The following AKAP10 variants were observed in gnomAD, a reference collection of about 807,000 sequenced individuals.
AKAP10 encodes A-kinase anchoring protein 10, also known as A-kinase anchor protein 10, mitochondrial.
Under a neutral mutation model 80.8 loss-of-function variants are expected in AKAP10, and 24 were observed. That is an observed-to-expected ratio of 0.30 (90% CI 0.22 to 0.42). AKAP10 has a LOEUF of 0.42. AKAP10 is among the 10% of genes least tolerant of loss of function. The probability of loss-of-function intolerance (pLI) is 1.00; values close to 1 mark genes in which losing one functional copy is unlikely to be tolerated. For synonymous variants in AKAP10, 291 were observed against 277.7 expected (o/e 1.05, Z -0.48); for missense variants, 661 against 794.9 (o/e 0.83, Z 2.03).
At chr17:19,951,136 G>T (rs2043202013) in intron 4 of AKAP10, among the ~76,000 whole-genome samples, 2 of 148,342 alleles carry the variant, frequency 1.3e-5, no homozygotes, top group Non-Finnish European at 3.0e-5. Flanking sequence ...CGGGAGGGAG[G>T]TGGGGGGCAG....
rs190960635 is a variant in AKAP10, at chr17:19,933,223, T to C, written c.1468-1245A>G. 1.5e-3 allele frequency among the ~76,000 whole-genome samples: 225 copies of C among 152,262 alleles called. 3 individuals carry two copies. In the East Asian group the frequency reaches 0.038, roughly 26 times the overall value. On this transcript the variant is annotated intron_variant, in intron 9 of 14. Coordinates refer to ENST00000225737, the MANE Select transcript of AKAP10 (RefSeq NM_007202.4). ...TAGTAGAGACGGGGTTTCGCCATGT[T>C]GGCCAAGCTGGTCTTGAACTCCTGA...
chr17:19,916,258 T>C (rs576898744), intron 12 of AKAP10, among the ~76,000 whole-genome samples: 1 of 152,212 alleles, frequency 6.6e-6, no homozygotes, highest in African/African-American at 2.4e-5. Flanking sequence ...CTGCTTTTCA[T>C]GTAACACATG....
chr17:19,972,557 G>A (rs1405417648), intron 1 of AKAP10, among the ~76,000 whole-genome samples: 3 of 152,124 alleles, frequency 2.0e-5, no homozygotes, highest in African/African-American at 4.8e-5. Context: ...CCGGGTTCAG[G>A]CCATTCTCCT....
chr17:19,907,370 C>G (rs1034227445), intron 14 of AKAP10, among the ~76,000 whole-genome samples: 18 of 150,328 alleles, frequency 1.2e-4, no homozygotes, highest in Admixed American at 1.2e-3. Context: ...TCTTTTAAAA[C>G]TATTTTGCAT....
In AKAP10 at chr17:19,970,047, C is replaced by A. The variant is rs576879716; in HGVS notation, c.89-1586G>T. Among the ~76,000 whole-genome samples the A allele has an allele frequency of 3.4e-4, 52 of 152,300 alleles. 1 individual carries two copies. The South Asian group carries it at 8.9e-3, about 26-fold the overall frequency. On this transcript the variant is annotated intron_variant, in intron 1 of 14. Transcript: ENST00000225737. ...TTACAATACCATAGATACGCTGTTA[C>A]TCCTAAATTTATATCTCCATCCTAA...
At chr17:19,947,345 AATTGTCAGTTCTGTGC>A (rs2043145926) in intron 5 of AKAP10, 46 bp downstream of exon 5, 2 of 1,281,014 alleles carry the variant, frequency 1.6e-6, no homozygotes, top group South Asian at 2.5e-5. Flanking sequence ...CAATAACGAA[AATTGTCAGTTCTGTGC>A]ATTTTTTGTC....
intron 4 of AKAP10, among the ~76,000 whole-genome samples, chr17:19,954,451 G>T (rs2043249839): frequency 6.7e-6 from 1 of 149,956 alleles, no homozygotes; most frequent in African/African-American, 2.4e-5. Flanking sequence ...ACTCAAAAAA[G>T]ATATATATCT....
At chr17:19,960,901 C>T (rs2043340767) in intron 3 of AKAP10, among the ~76,000 whole-genome samples, 1 of 152,090 alleles carries the variant, frequency 6.6e-6, no homozygotes, top group Non-Finnish European at 1.5e-5. Context: ...TGGCAGGCAC[C>T]TGTCATCCCA....
chr17:19,947,339 A>G, intron 5 of AKAP10, 68 bp downstream of exon 5: 2 of 1,217,042 alleles, frequency 1.6e-6, no homozygotes, highest in Non-Finnish European at 1.2e-6. Context: ...CTTAGTCAAT[A>G]ACGAAAATTG....
chr17:19,932,132 C>T (rs2042940630), intron 9 of AKAP10, among the ~76,000 whole-genome samples, 154 bp from the exon 10 acceptor site: 1 of 151,998 alleles, frequency 6.6e-6, no homozygotes, highest in African/African-American at 2.4e-5. Context: ...AGTATTATCC[C>T]TTTGTACAGT....
rs1457291425 is a variant in AKAP10 at position 19,904,898 on chromosome 17, T to G, written c.*1329A>C. 1 of 151,990 alleles carries G rather than the reference T, an allele frequency of 6.6e-6. No individual in the cohort carries two copies. Among genetic ancestry groups the G allele is most frequent in the Non-Finnish European group, 1.5e-5 (1 of 67,990 alleles). 9.4% of individuals were successfully genotyped at this position (151,990 alleles called of 1,614,324 possible). Reference sequence around the variant, plus strand: ...ACCAAAAACTTACACAAAGCCTTTTTGCTTCTTCTGTCGATGAAACAGTGT... The same window carrying G: ...ACCAAAAACTTACACAAAGCCTTTTGGCTTCTTCTGTCGATGAAACAGTGT... On this transcript the variant is annotated 3_prime_UTR_variant, in exon 15 of 15. Coordinates refer to ENST00000225737, the MANE Select transcript of AKAP10 (RefSeq NM_007202.4).
At chr17:19,938,563 A>G (rs2043018233) in intron 8 of AKAP10, among the ~76,000 whole-genome samples, 1 of 152,136 alleles carries the variant, frequency 6.6e-6, no homozygotes, top group Admixed American at 6.6e-5. Flanking sequence ...ATAAGCTCTC[A>G]GGTGATTCCT....
intron 4 of AKAP10, among the ~76,000 whole-genome samples, chr17:19,954,769 A>G (rs1266986898): frequency 6.6e-6 from 1 of 151,864 alleles, no homozygotes; most frequent in Non-Finnish European, 1.5e-5. Context: ...CTGAGATTAC[A>G]GGCATAAGCC....
intron 8 of AKAP10, among the ~76,000 whole-genome samples, chr17:19,937,210 A>G (rs2043001772): frequency 6.6e-6 from 1 of 152,228 alleles, no homozygotes; most frequent in African/African-American, 2.4e-5. Flanking sequence ...ATATGATACA[A>G]AAACAAGCAG....
chr17:19,948,111 C>T (rs535959698), intron 4 of AKAP10, among the ~76,000 whole-genome samples: 3 of 152,190 alleles, frequency 2.0e-5, no homozygotes, highest in East Asian at 1.9e-4. Flanking sequence ...GAATATCATC[C>T]GTTGATTTGA....
intron 4 of AKAP10, among the ~76,000 whole-genome samples, chr17:19,951,049 G>A (rs891231605): frequency 2.6e-5 from 4 of 151,926 alleles, no homozygotes; most frequent in African/African-American, 4.8e-5. Context: ...CCCCGTCTGA[G>A]AAGTGAGGAG....
chr17:19,921,607 G>A (rs959550041), intron 11 of AKAP10, among the ~76,000 whole-genome samples: 37 of 151,176 alleles, frequency 2.4e-4, no homozygotes, highest in African/African-American at 9.0e-4. Context: ...AGGCCAAGAT[G>A]GAAGGATTGC....
intron 11 of AKAP10, among the ~76,000 whole-genome samples, chr17:19,921,109 C>T (rs2042809011): frequency 6.6e-6 from 1 of 150,964 alleles, no homozygotes; most frequent in African/African-American, 2.4e-5. Context: ...AAGAGACATA[C>T]CAAAAGAAAC....
chr17:19,930,721 A>AT (rs1218339320), intron 10 of AKAP10, among the ~76,000 whole-genome samples: 9 of 151,648 alleles, frequency 5.9e-5, no homozygotes, highest in South Asian at 4.2e-4. Context: ...TAAAAAAAAA[A>AT]TTTTTTTTGA....
Sources: gnomAD v4.1 joint callset for allele counts (sites outside exome capture counted in the v4.1 genomes callset) on GRCh38, gnomAD v4.1.1 for gene constraint, MANE v1.5 for transcripts, NCBI Gene and HGNC (gene_info 2026-07-23, HGNC 2026-07-21) for gene names.